Variants in SPECC1 observed in about 807,000 individuals in gnomAD.
SPECC1 encodes cytospin-B.
Under a neutral mutation model 104.1 loss-of-function variants are expected in SPECC1, and 62 were observed. The observed-to-expected ratio is 0.60, with a 90% CI of 0.49 to 0.74. The LOEUF is 0.74. SPECC1 is among the 30% of genes least tolerant of loss of function. The pLI, the probability that SPECC1 is intolerant of heterozygous loss-of-function variation, is 0.00. For missense variants in SPECC1, 1,306 were observed against 1,310.5 expected (o/e 1.00, Z 0.05); for synonymous variants, 513 against 501.6 (o/e 1.02, Z -0.30).
At chr17:20,099,511 CAAA>C (rs56285234) in intron 2 of SPECC1, among the ~76,000 whole-genome samples, 2,325 of 91,704 alleles carry the variant, frequency 0.025, 75 homozygotes, top group African/African-American at 0.089. Flanking sequence ...TGTCTTTACC[CAAA>C]AAAAAAAAAA....
chr17:20,024,779 C>T (rs1014032964), intron 1 of SPECC1, among the ~76,000 whole-genome samples: 2 of 152,134 alleles, frequency 1.3e-5, no homozygotes, highest in Non-Finnish European at 2.9e-5. Context: ...ATAATAGCCC[C>T]TCCTTTATCC....
intron 4 of SPECC1, among the ~76,000 whole-genome samples, chr17:20,225,529 G>A (rs989445795): frequency 6.6e-6 from 1 of 152,162 alleles, no homozygotes; most frequent in African/African-American, 2.4e-5. Flanking sequence ...GCTTTCTGCT[G>A]TGATGGGACA....
At chr17:20,282,538 A>C (rs1051156606) in intron 12 of SPECC1, among the ~76,000 whole-genome samples, 4 of 152,254 alleles carry the variant, frequency 2.6e-5, no homozygotes, top group Non-Finnish European at 5.9e-5. Flanking sequence ...TTAACAAAGT[A>C]ATTAAAAATT....
intron 3 of SPECC1, among the ~76,000 whole-genome samples, chr17:20,122,462 G>C (rs768651995): frequency 6.6e-6 from 1 of 152,136 alleles, no homozygotes; most frequent in Non-Finnish European, 1.5e-5. Context: ...GAGCCAGCTG[G>C]CTCTCAACTT....
rs2039979011 is a variant in SPECC1, at chr17:20,260,264, A to G, written c.2910A>G (p.Lys970=). Residue 970 remains lysine, a synonymous_variant, in exon 12 of 15, where the codon AAA becomes AAG. Coordinates refer to ENST00000395527, the MANE Select transcript of SPECC1 (RefSeq NM_001243439.2). ...YGGSKRNALL[K]WCQKKTQGYA... ...GTTCCAAGCGCAATGCTCTACTGAA[A>G]TGGTGCCAGAAGAAGACACAAGGTT... 4 of 1,613,998 alleles carry G rather than the reference A, an allele frequency of 2.5e-6. No individual in the cohort carries two copies. The highest frequency in any genetic ancestry group is 1.7e-4 in the Middle Eastern group (1 of 6,060).
At chr17:20,169,673 A>G (rs2033935558) in intron 3 of SPECC1, among the ~76,000 whole-genome samples, 1 of 152,010 alleles carries the variant, frequency 6.6e-6, no homozygotes, top group African/African-American at 2.4e-5. Flanking sequence ...ATGGTTTTAG[A>G]CATTTTTTCC....
chr17:20,109,409 G>C (rs528840194), intron 2 of SPECC1, among the ~76,000 whole-genome samples: 49 of 152,332 alleles, frequency 3.2e-4, no homozygotes, highest in African/African-American at 1.2e-3. Context: ...CTTTCATGAA[G>C]ACCCAACAGT....
intron 12 of SPECC1, among the ~76,000 whole-genome samples, chr17:20,287,723 CT>C (rs1663946601): frequency 6.6e-6 from 1 of 151,326 alleles, no homozygotes; most frequent in South Asian, 2.1e-4. Context: ...GGCCTTATGT[CT>C]GAGTAAGGCC....
At chr17:20,224,018 A>G (rs529236913) in intron 4 of SPECC1, among the ~76,000 whole-genome samples, 1 of 152,242 alleles carries the variant, frequency 6.6e-6, no homozygotes, top group East Asian at 1.9e-4. Flanking sequence ...GAGTGTTAGG[A>G]TCTAAGCCTT....
intron 3 of SPECC1, among the ~76,000 whole-genome samples, chr17:20,165,445 T>C (rs892150062): frequency 6.6e-6 from 1 of 152,256 alleles, no homozygotes; most frequent in Non-Finnish European, 1.5e-5. Flanking sequence ...ATTTTCTTTA[T>C]CCACTCTGTC....
chr17:20,101,310 C>T (rs1019178348), intron 2 of SPECC1, among the ~76,000 whole-genome samples: 29 of 152,220 alleles, frequency 1.9e-4, no homozygotes, highest in Non-Finnish European at 2.8e-4. Context: ...TATTTCTCCA[C>T]AGCCTCACCA....
chr17:20,066,910 A>G (rs1379478464), intron 1 of SPECC1, among the ~76,000 whole-genome samples: 1 of 114,932 alleles, frequency 8.7e-6, no homozygotes, highest in Non-Finnish European at 2.0e-5. Context: ...TGGCTAATCA[A>G]ATTTTTTTTT....
At chr17:20,260,100 T>C (rs968467464) in intron 11 of SPECC1, 92 bp from the exon 12 acceptor site, 1 of 982,120 alleles carries the variant, frequency 1.0e-6, no homozygotes, top group African/African-American at 1.7e-5. Flanking sequence ...ACTAGACTTT[T>C]GCTTTTCTAA....
At chr17:20,080,694 C>G (rs559372410) in intron 1 of SPECC1, among the ~76,000 whole-genome samples, 6 of 152,022 alleles carry the variant, frequency 3.9e-5, no homozygotes, top group Non-Finnish European at 8.8e-5. Flanking sequence ...CTGATGAGGT[C>G]GAACATAGGG....
chr17:20,017,952 G>A (rs192091866), intron 1 of SPECC1: 1 of 152,316 alleles, frequency 6.6e-6, no homozygotes, highest in East Asian at 1.9e-4. Flanking sequence ...GTTCATCTTC[G>A]AAGTTTGAGA....
chr17:20,071,951 T>C (rs2046571598), intron 1 of SPECC1, among the ~76,000 whole-genome samples: 1 of 152,166 alleles, frequency 6.6e-6, no homozygotes, highest in Non-Finnish European at 1.5e-5. Context: ...GTGACTAGCT[T>C]GTACTTTTTT....
intron 3 of SPECC1, among the ~76,000 whole-genome samples, chr17:20,149,517 C>T (rs998381963): frequency 1.3e-5 from 2 of 152,192 alleles, no homozygotes; most frequent in Non-Finnish European, 2.9e-5. Context: ...ACATTTCACA[C>T]GTGTTGTCAC....
At position 20,316,670 on chromosome 17, in the gene SPECC1, GTTTTTTTGTGT is replaced by G. The variant is rs2042043575; in HGVS notation, c.*2615_*2625del. The G allele has an allele frequency of 5.5e-6, 1 of 180,954 alleles. No individual in the cohort carries two copies. Among genetic ancestry groups the G allele is most frequent in the Non-Finnish European group, 1.1e-5 (1 of 87,718 alleles). 11.2% of individuals were successfully genotyped at this position (180,954 alleles called of 1,614,324 possible). On this transcript the variant is annotated 3_prime_UTR_variant, in exon 15 of 15. Coordinates refer to ENST00000395527, the MANE Select transcript of SPECC1 (RefSeq NM_001243439.2). ...CAGGCATGAGCCACTGAGCCCGGCT[GTTTTTTTGTGT>G]TTTTTTTGTTGTTGTTTGTTTGTTT...
At chr17:20,059,971 G>A (rs1460756750) in intron 1 of SPECC1, among the ~76,000 whole-genome samples, 1 of 152,196 alleles carries the variant, frequency 6.6e-6, no homozygotes, top group Non-Finnish European at 1.5e-5. Flanking sequence ...TTGTACATGA[G>A]CTAGCACTTC....
Sources: gnomAD v4.1 joint callset for allele counts (sites outside exome capture counted in the v4.1 genomes callset) on GRCh38, gnomAD v4.1.1 for gene constraint, MANE v1.5 for transcripts, NCBI Gene and HGNC (gene_info 2026-07-23, HGNC 2026-07-21) for gene names.